EYS: variants seen among roughly 807,000 people sequenced by gnomAD.
EYS encodes protein eyes shut homolog.
Under a neutral mutation model 282.1 loss-of-function variants are expected in EYS, and 250 were observed. The ratio of observed to expected loss-of-function variants is 0.89; its 90% CI spans 0.80 to 0.98. The LOEUF (loss-of-function observed/expected upper bound fraction) is 0.98. Ranked by LOEUF, EYS falls within the 50% of genes least tolerant of loss-of-function variation. The pLI is 0.00. For missense variants in EYS, 4,016 were observed against 3,709.0 expected (o/e 1.08, Z -2.15); for synonymous variants, 1,355 against 1,282.9 (o/e 1.06, Z -1.20).
chr6:64,426,824 G>C (rs189266197), intron 28 of EYS, among the ~76,000 whole-genome samples: 12 of 152,170 alleles, frequency 7.9e-5, no homozygotes, highest in Admixed American at 1.3e-4. Flanking sequence ...TTTTCAAATG[G>C]AAGTCTCCAG....
intron 1 of EYS, among the ~76,000 whole-genome samples, chr6:65,705,287 C>A (rs565670375): frequency 6.6e-6 from 1 of 152,158 alleles, no homozygotes; most frequent in African/African-American, 2.4e-5. Flanking sequence ...AGAATCTGGG[C>A]TGCATAGAGG....
At chr6:65,503,866 G>A (rs1766553486) in intron 2 of EYS, among the ~76,000 whole-genome samples, 1 of 151,582 alleles carries the variant, frequency 6.6e-6, no homozygotes. Context: ...GTTGCTTAAT[G>A]GTTAAGTGTT....
intron 13 of EYS, among the ~76,000 whole-genome samples, chr6:65,046,117 A>G (rs922249380): frequency 6.6e-6 from 1 of 151,782 alleles, no homozygotes; most frequent in Non-Finnish European, 1.5e-5. Context: ...GAACCTATTA[A>G]TTTCTCTTTA....
Position 63,855,427 on chromosome 6 carries a change from T to C in EYS, c.7228+8759A>G, listed in dbSNP as rs1053153511. Among the ~76,000 whole-genome samples, 5 of 152,238 alleles carry C rather than the reference T, an allele frequency of 3.3e-5. No homozygotes were observed. In the South Asian group the frequency reaches 1.0e-3, roughly 32 times the overall value. ...CTTCTGGAAATATTTCAGATTAGAC[T>C]ATTCACTCACTGATTATATTATTAA... is the stretch of plus-strand genomic sequence containing the variant. On this transcript the variant is annotated intron_variant, in intron 36 of 42. Transcript: ENST00000503581.
intron 31 of EYS, among the ~76,000 whole-genome samples, chr6:64,147,136 C>T (rs1012413270): frequency 1.3e-5 from 2 of 152,088 alleles, no homozygotes; most frequent in Non-Finnish European, 2.9e-5. Flanking sequence ...CTGATGGGAG[C>T]AGATGAAGCT....
At chr6:64,009,110 T>C (rs1284810803) in intron 33 of EYS, among the ~76,000 whole-genome samples, 3 of 152,218 alleles carry the variant, frequency 2.0e-5, no homozygotes, top group African/African-American at 7.2e-5. Flanking sequence ...CAATGAGTTG[T>C]AGATTTGGTC....
chr6:64,079,918 A>G (rs1453772585), intron 32 of EYS, among the ~76,000 whole-genome samples: 1 of 152,144 alleles, frequency 6.6e-6, no homozygotes, highest in Non-Finnish European at 1.5e-5. Flanking sequence ...TTATGGCTGC[A>G]TAGTGTTCCA....
chr6:64,930,744 C>T (rs1217579179), intron 15 of EYS, among the ~76,000 whole-genome samples: 1 of 152,106 alleles, frequency 6.6e-6, no homozygotes. Flanking sequence ...AGCAAACCTT[C>T]ACGTTGTCTG....
At chr6:64,634,698 T>G (rs932650847) in intron 22 of EYS, among the ~76,000 whole-genome samples, 19 of 152,190 alleles carry the variant, frequency 1.2e-4, no homozygotes, top group Non-Finnish European at 2.8e-4. Flanking sequence ...ATCCCCAACC[T>G]ATTTCATATG....
chr6:65,373,136 T>G (rs958195189), intron 8 of EYS, among the ~76,000 whole-genome samples: 1 of 152,140 alleles, frequency 6.6e-6, no homozygotes, highest in Non-Finnish European at 1.5e-5. Flanking sequence ...CTGATTAAAC[T>G]TGGTCTTAAG....
intron 35 of EYS, among the ~76,000 whole-genome samples, chr6:63,974,330 T>C (rs1766729923): frequency 6.6e-6 from 1 of 152,136 alleles, no homozygotes; most frequent in Middle Eastern, 3.4e-3. Flanking sequence ...AAAAAAACCA[T>C]TAATAAATAG....
At chr6:64,155,792 CATTGT>C (rs1163802062) in intron 31 of EYS, among the ~76,000 whole-genome samples, 4 of 151,980 alleles carry the variant, frequency 2.6e-5, no homozygotes, top group Non-Finnish European at 4.4e-5. Flanking sequence ...TAAAATATTG[CATTGT>C]ATTACAATAT....
chr6:64,896,545 GTTTTT>G (rs796873824), intron 18 of EYS, among the ~76,000 whole-genome samples: 9 of 85,280 alleles, frequency 1.1e-4, no homozygotes, highest in Admixed American at 3.9e-4. Flanking sequence ...AGGAGTTGTT[GTTTTT>G]TTTTTTTTTT....
At chr6:65,240,945 C>A (rs1200039795) in intron 12 of EYS, among the ~76,000 whole-genome samples, 3 of 152,094 alleles carry the variant, frequency 2.0e-5, no homozygotes, top group Non-Finnish European at 2.9e-5. Flanking sequence ...AATTTTATAA[C>A]AGATTTTTCC....
chr6:64,198,194 A>T (rs1413021227), intron 31 of EYS, among the ~76,000 whole-genome samples: 1 of 148,872 alleles, frequency 6.7e-6, no homozygotes, highest in Non-Finnish European at 1.5e-5. Flanking sequence ...TTTTTAGTAG[A>T]GACGGGGTTT....
At chr6:64,449,190 C>T (rs1001829690) in intron 26 of EYS, among the ~76,000 whole-genome samples, 9 of 152,000 alleles carry the variant, frequency 5.9e-5, no homozygotes, top group Admixed American at 1.3e-4. Flanking sequence ...AACCATGGCA[C>T]GAGAACTACG....
At position 64,028,878 on chromosome 6, in the gene EYS, C is replaced by T. The variant is rs762131479; in HGVS notation, c.6726-29695G>A. ...TAGGTCAAAGGCCCAGCTTTGCCTA[C>T]AGCATGTCAAATATCTAGGCCTAAT... On this transcript the variant is annotated intron_variant, in intron 33 of 42. Coordinates refer to ENST00000503581, the MANE Select transcript of EYS (RefSeq NM_001142800.2). 4.6e-5 allele frequency among the ~76,000 whole-genome samples: 7 copies of T among 152,196 alleles called. No individual in the cohort carries two copies. The South Asian group carries it at 8.3e-4, about 18-fold the overall frequency.
intron 11 of EYS, among the ~76,000 whole-genome samples, chr6:65,328,622 T>C (rs114100447): frequency 0.015 from 2,341 of 151,160 alleles, 31 homozygotes; most frequent in Middle Eastern, 0.024. Context: ...CTGTATTAAA[T>C]ATATAAATTT....
chr6:65,422,569 T>C (rs918838572), intron 5 of EYS, among the ~76,000 whole-genome samples: 4 of 151,810 alleles, frequency 2.6e-5, no homozygotes, highest in African/African-American at 9.7e-5. Flanking sequence ...GCAAAGCTTT[T>C]ATATCATCAA....
Sources: gnomAD v4.1 joint callset for allele counts (sites outside exome capture counted in the v4.1 genomes callset) on GRCh38, gnomAD v4.1.1 for gene constraint, MANE v1.5 for transcripts, NCBI Gene and HGNC (gene_info 2026-07-23, HGNC 2026-07-21) for gene names.